Variants in USP34 observed in about 807,000 individuals in gnomAD.
USP34 encodes ubiquitin specific peptidase 34.
USP34 carries 70 observed loss-of-function variants against 460.3 expected under a neutral mutation model. The observed-to-expected ratio is 0.15, with a 90% confidence interval of 0.13 to 0.19. The LOEUF (loss-of-function observed/expected upper bound fraction) is 0.19. Among genes scored for constraint, USP34 ranks in the 10% least tolerant of loss-of-function variants. The pLI is 1.00. For missense variants in USP34, 3,985 were observed against 4,236.2 expected (o/e 0.94, Z 1.65); for synonymous variants, 1,647 against 1,405.3 (o/e 1.17, Z -3.85).
chr2:61,445,870 C>T (rs1251746585), intron 1 of USP34, among the ~76,000 whole-genome samples: 7 of 151,888 alleles, frequency 4.6e-5, no homozygotes, highest in African/African-American at 1.5e-4. Context: ...ATCGCTTGAA[C>T]CTGAAAGGCA....
intron 20 of USP34, 120 bp from the exon 21 acceptor site, chr2:61,325,577 A>G: frequency 1.9e-6 from 1 of 527,568 alleles, no homozygotes; most frequent in Non-Finnish European, 3.1e-6. Context: ...AATTATTTTA[A>G]CTAAGTATCT....
intron 3 of USP34, among the ~76,000 whole-genome samples, chr2:61,403,298 G>C (rs17483532): frequency 1.3e-5 from 2 of 151,970 alleles, no homozygotes; most frequent in Non-Finnish European, 2.9e-5. Context: ...AAACACTGAT[G>C]AGCAAGTTTA....
intron 1 of USP34, among the ~76,000 whole-genome samples, chr2:61,458,959 G>A (rs1345859840): frequency 2.0e-5 from 3 of 152,124 alleles, no homozygotes; most frequent in Non-Finnish European, 2.9e-5. Context: ...CCAGCTACTT[G>A]GGAGGCTGAG....
rs1419446830 is a variant in USP34 at position 61,312,336 on chromosome 2, A to G, written c.3543-426T>C. ...CAGGGACAGAAACATTCTGGTAAAT[A>G]TATACTAACGAGCCTAATAGAATTT... On this transcript the variant is annotated intron_variant, in intron 25 of 79. Coordinates refer to ENST00000398571, the MANE Select transcript of USP34 (RefSeq NM_014709.4). Among the ~76,000 whole-genome samples, 4 of 152,238 alleles carry G rather than the reference A, an allele frequency of 2.6e-5. No homozygotes were observed. In the East Asian group the frequency reaches 7.7e-4, roughly 29 times the overall value.
At chr2:61,440,803 G>C (rs1253727316) in intron 1 of USP34, among the ~76,000 whole-genome samples, 3 of 150,948 alleles carry the variant, frequency 2.0e-5, no homozygotes, top group African/African-American at 7.3e-5. Context: ...CAGGCGTAAG[G>C]CACCACACCC....
At chr2:61,387,616 A>G (rs1693193332) in intron 5 of USP34, among the ~76,000 whole-genome samples, 1 of 147,380 alleles carries the variant, frequency 6.8e-6, no homozygotes, top group Non-Finnish European at 1.5e-5. Flanking sequence ...TATATAAAAT[A>G]TATATTTTTA....
At chr2:61,280,590 T>C (rs888326742) in intron 38 of USP34, among the ~76,000 whole-genome samples, 3 of 152,050 alleles carry the variant, frequency 2.0e-5, no homozygotes, top group African/African-American at 4.8e-5. Flanking sequence ...AAAAAAGATA[T>C]GAACAGGGAG....
At chr2:61,313,768 A>G (rs986464227) in intron 25 of USP34, among the ~76,000 whole-genome samples, 2 of 152,124 alleles carry the variant, frequency 1.3e-5, no homozygotes, top group African/African-American at 4.8e-5. Context: ...CAAATGTTTC[A>G]AATCATGGAA....
intron 1 of USP34, among the ~76,000 whole-genome samples, chr2:61,454,146 G>A (rs547923711): frequency 2.3e-4 from 35 of 152,132 alleles, no homozygotes; most frequent in South Asian, 4.2e-4. Context: ...AGAGGGTTTG[G>A]GGTTTTTCGA....
At chr2:61,272,325 G>C (rs1194063098) in intron 41 of USP34, among the ~76,000 whole-genome samples, 1 of 151,464 alleles carries the variant, frequency 6.6e-6, no homozygotes, top group Non-Finnish European at 1.5e-5. Context: ...GCGGGAGAAT[G>C]GTGTGAACCT....
At position 61,319,287 on chromosome 2, in the gene USP34, T is replaced by G. The variant is rs371939298; in HGVS notation, c.3054A>C (p.Leu1018Phe). ...CATCATAACATTCAGAATCTTCTAC[T>G]AAACAATGCCATAAGATGTCAACTT... Reference protein sequence around the residue: ...LEQVDILWHCLVEDSECYDDA... With the variant: ...LEQVDILWHCFVEDSECYDDA... Residue 1018 changes from leucine to phenylalanine, a missense_variant, in exon 22 of 80, where the codon TTA (leucine) becomes TTC (phenylalanine). This residue lies in a region of USP34 where 1,114 missense variants were observed against 1,122.5 expected (regional missense o/e 0.99). Transcript: ENST00000398571. 28 of 1,580,732 alleles carry G rather than the reference T, an allele frequency of 1.8e-5. No homozygotes were observed. The African/African-American group carries it at 3.4e-4, about 19-fold the overall frequency.
chr2:61,301,064 T>C lies in USP34; in HGVS notation c.4015A>G (p.Ile1339Val). Residue 1339 changes from isoleucine (I) to valine (V), a missense_variant, in exon 29 of 80, where the codon ATT becomes GTT. Ile to Val is a conservative substitution (Grantham distance 29). This residue lies in a region of USP34 where 1,114 missense variants were observed against 1,122.5 expected (regional missense o/e 0.99). Coordinates refer to ENST00000398571, the MANE Select transcript of USP34 (RefSeq NM_014709.4). ...SCLPPPQKDN[I>V]PMLLLLQEPH... Reference sequence around the variant, plus strand: ...TCTTGTAAAAGCAAAAGCATTGGAATGTTGTCCTTCTGAGGGGGTGGGAGG... The same window carrying C: ...TCTTGTAAAAGCAAAAGCATTGGAACGTTGTCCTTCTGAGGGGGTGGGAGG... 1.2e-6 allele frequency: 2 copies of C among 1,614,068 alleles called. No homozygotes were observed. Among genetic ancestry groups the C allele is most frequent in the Non-Finnish European group, 1.7e-6 (2 of 1,180,020 alleles).
intron 67 of USP34, among the ~76,000 whole-genome samples, chr2:61,217,405 A>C (rs1323106373): frequency 6.6e-6 from 1 of 152,222 alleles, no homozygotes; most frequent in Non-Finnish European, 1.5e-5. Flanking sequence ...ATTCCTATGA[A>C]GCTTTTCTTT....
intron 10 of USP34, among the ~76,000 whole-genome samples, chr2:61,369,691 A>T (rs13027555): frequency 2.0e-5 from 3 of 150,220 alleles, no homozygotes; most frequent in Admixed American, 6.7e-5. Flanking sequence ...ATAATTAAAC[A>T]CTATACAGTT....
chr2:61,189,258 T>A, intron 78 of USP34, 189 bp from the exon 79 acceptor site: 4 of 524,660 alleles, frequency 7.6e-6, no homozygotes, highest in South Asian at 3.5e-5. Context: ...TTTCATTAGT[T>A]GTTTTTTTTT....
intron 21 of USP34, among the ~76,000 whole-genome samples, chr2:61,324,885 T>C (rs1370152104): frequency 6.6e-6 from 1 of 152,126 alleles, no homozygotes; most frequent in Non-Finnish European, 1.5e-5. Flanking sequence ...AATTTATAAA[T>C]GTATTAAGAA....
chr2:61,330,399 C>A (rs1460487403), intron 20 of USP34, among the ~76,000 whole-genome samples: 1 of 152,114 alleles, frequency 6.6e-6, no homozygotes, highest in Non-Finnish European at 1.5e-5. Flanking sequence ...GATAGCTGCA[C>A]CCTAAAGGAC....
intron 57 of USP34, among the ~76,000 whole-genome samples, chr2:61,235,412 G>A (rs1688038981): frequency 6.7e-6 from 1 of 148,272 alleles, no homozygotes; most frequent in African/African-American, 2.5e-5. Context: ...TACAACCTCT[G>A]CCTCCCAGGT....
chr2:61,247,521 C>G (rs756210511), intron 49 of USP34, among the ~76,000 whole-genome samples: 1 of 152,130 alleles, frequency 6.6e-6, no homozygotes, highest in Non-Finnish European at 1.5e-5. Context: ...CTGCTCTACT[C>G]TTCCAGAAAA....
Sources: allele counts gnomAD v4.1 joint callset (sites outside exome capture counted in the v4.1 genomes callset), GRCh38; gene constraint gnomAD v4.1.1; regional missense constraint gnomAD v4.1.1; transcripts MANE v1.5; gene names NCBI Gene and HGNC (gene_info 2026-07-23, HGNC 2026-07-21).